The following GLCCI1 variants were observed in gnomAD, a reference collection of about 807,000 sequenced individuals.
GLCCI1 encodes glucocorticoid induced 1, also known as glucocorticoid-induced transcript 1 protein.
Under a neutral mutation model 52.2 loss-of-function variants are expected in GLCCI1, and 24 were observed. The observed-to-expected ratio is 0.46, with a 90% CI of 0.33 to 0.65. The LOEUF is 0.65. Ranked by LOEUF, GLCCI1 falls within the 30% of genes least tolerant of loss-of-function variation. The probability of loss-of-function intolerance (pLI) is 0.02; values close to 1 mark genes in which losing one functional copy is unlikely to be tolerated. For missense variants in GLCCI1, 704 were observed against 701.5 expected (o/e 1.00, Z -0.04); for synonymous variants, 310 against 276.5 (o/e 1.12, Z -1.20).
intron 3 of GLCCI1, among the ~76,000 whole-genome samples, chr7:8,024,451 G>A (rs563088833): frequency 6.6e-6 from 1 of 152,270 alleles, no homozygotes; most frequent in African/African-American, 2.4e-5. Context: ...AAGTGAACTT[G>A]TATTTTTATC....
At chr7:7,997,647 G>GC (rs1412829572) in intron 1 of GLCCI1, among the ~76,000 whole-genome samples, 3 of 152,154 alleles carry the variant, frequency 2.0e-5, no homozygotes, top group African/African-American at 7.2e-5. Flanking sequence ...AGCTATAGAG[G>GC]CTGGGCATGG....
chr7:8,014,221 G>T (rs1392560368), intron 2 of GLCCI1, among the ~76,000 whole-genome samples: 5 of 151,958 alleles, frequency 3.3e-5, no homozygotes, highest in African/African-American at 1.2e-4. Context: ...AAATTCCTCA[G>T]GTGGACCTCA....
intron 6 of GLCCI1, among the ~76,000 whole-genome samples, chr7:8,081,935 C>T (rs1035439202): frequency 6.6e-6 from 1 of 152,116 alleles, no homozygotes; most frequent in Non-Finnish European, 1.5e-5. Flanking sequence ...ATTTTATTGA[C>T]ATTAGCTATG....
chr7:8,049,431 G>C (rs1782207996), intron 3 of GLCCI1, among the ~76,000 whole-genome samples: 1 of 152,018 alleles, frequency 6.6e-6, no homozygotes, highest in African/African-American at 2.4e-5. Flanking sequence ...AAGGAATTAT[G>C]TTATAAACCT....
intron 2 of GLCCI1, among the ~76,000 whole-genome samples, chr7:8,019,742 A>G (rs1185483307): frequency 2.6e-5 from 4 of 152,350 alleles, no homozygotes; most frequent in South Asian, 4.1e-4. Context: ...TGCAGACTGT[A>G]GGCAACTGTA....
chr7:8,009,887 A>G (rs1316367706), intron 2 of GLCCI1, among the ~76,000 whole-genome samples: 2 of 147,342 alleles, frequency 1.4e-5, no homozygotes, highest in Non-Finnish European at 2.9e-5. Flanking sequence ...TGGACGTAAA[A>G]TCAGTATCAA....
At chr7:8,008,227 C>G (rs368541540) in intron 2 of GLCCI1, among the ~76,000 whole-genome samples, 3 of 151,436 alleles carry the variant, frequency 2.0e-5, no homozygotes, top group East Asian at 1.9e-4. Context: ...CTCCCAAGGA[C>G]TCCTAGCCTC....
intron 3 of GLCCI1, among the ~76,000 whole-genome samples, chr7:8,029,990 A>G (rs181304300): frequency 1.3e-3 from 201 of 152,278 alleles, no homozygotes; most frequent in African/African-American, 4.7e-3. Context: ...GCAATCTTAG[A>G]TTCAATGCAA....
chr7:8,054,556 T>G (rs1454175409), intron 3 of GLCCI1, among the ~76,000 whole-genome samples: 2 of 152,162 alleles, frequency 1.3e-5, no homozygotes, highest in African/African-American at 4.8e-5. Context: ...ATTTATAGGC[T>G]TTAATACTAA....
intron 6 of GLCCI1, among the ~76,000 whole-genome samples, chr7:8,081,256 G>A (rs1401088841): frequency 3.3e-5 from 5 of 152,100 alleles, no homozygotes; most frequent in African/African-American, 1.2e-4. Context: ...GAATATTTCA[G>A]GAATGAGGTC....
chr7:8,069,366 C>T (rs939645109), intron 5 of GLCCI1, among the ~76,000 whole-genome samples: 18 of 152,136 alleles, frequency 1.2e-4, no homozygotes, highest in African/African-American at 4.3e-4. Flanking sequence ...GTGGTTAAAG[C>T]ACTCTGGGTC....
intron 5 of GLCCI1, among the ~76,000 whole-genome samples, chr7:8,062,506 T>G (rs1782541143): frequency 6.6e-6 from 1 of 152,218 alleles, no homozygotes; most frequent in African/African-American, 2.4e-5. Flanking sequence ...CGTGCAGGTT[T>G]CTTACATAGG....
At chr7:8,002,508 C>G (rs554771439) in intron 1 of GLCCI1, among the ~76,000 whole-genome samples, 2 of 152,234 alleles carry the variant, frequency 1.3e-5, no homozygotes, top group South Asian at 2.1e-4. Flanking sequence ...CAGATCTTTT[C>G]TATCAATTCT....
chr7:7,974,190 A>G (rs537943240), intron 1 of GLCCI1, among the ~76,000 whole-genome samples: 75 of 152,266 alleles, frequency 4.9e-4, no homozygotes, highest in African/African-American at 1.8e-3. Flanking sequence ...TTTTTCCATC[A>G]GTTATCTCAT....
intron 2 of GLCCI1, among the ~76,000 whole-genome samples, chr7:8,011,843 T>C (rs1213465272): frequency 1.3e-5 from 2 of 152,034 alleles, no homozygotes; most frequent in African/African-American, 4.8e-5. Flanking sequence ...TGAGATGGAG[T>C]CTCGCTGTGT....
intron 3 of GLCCI1, among the ~76,000 whole-genome samples, chr7:8,023,237 A>G (rs1306923005): frequency 6.6e-6 from 1 of 152,010 alleles, no homozygotes; most frequent in Non-Finnish European, 1.5e-5. Context: ...GGATGGTCTC[A>G]ATCTCCTGAC....
chr7:8,080,661 T>G (rs1476553438), intron 6 of GLCCI1, among the ~76,000 whole-genome samples: 1 of 151,382 alleles, frequency 6.6e-6, no homozygotes, highest in African/African-American at 2.5e-5. Context: ...TTGAAAACAT[T>G]TCCTTTACTC....
At chr7:8,067,200 C>T (rs1258188568) in intron 5 of GLCCI1, among the ~76,000 whole-genome samples, 8 of 152,140 alleles carry the variant, frequency 5.3e-5, no homozygotes, top group Non-Finnish European at 1.2e-4. Flanking sequence ...GAATAGCAAT[C>T]TTGCTTTTTT....
At chr7:8,053,115 C>CAA (rs1000451902) in intron 3 of GLCCI1, among the ~76,000 whole-genome samples, 1 of 151,434 alleles carries the variant, frequency 6.6e-6, no homozygotes, top group African/African-American at 2.4e-5. Context: ...ACTAAGTTTT[C>CAA]AAAAAATGTG....
Sources: allele counts gnomAD v4.1 joint callset (sites outside exome capture counted in the v4.1 genomes callset), GRCh38; gene constraint gnomAD v4.1.1; transcripts MANE v1.5; gene names NCBI Gene and HGNC (gene_info 2026-07-23, HGNC 2026-07-21).